SPECC1L: variants seen among roughly 807,000 people sequenced by gnomAD.
SPECC1L encodes cytospin-A.
In SPECC1L, 40 loss-of-function variants were observed where a neutral mutation model predicts 116.8. The observed-to-expected ratio is 0.34, with a 90% CI of 0.27 to 0.45. The LOEUF (loss-of-function observed/expected upper bound fraction) is 0.45, where lower values mean the gene tolerates loss of function less well. SPECC1L is among the 20% of genes least tolerant of loss of function. SPECC1L has a pLI of 1.00. For synonymous variants in SPECC1L, 504 were observed against 500.6 expected, an observed-to-expected ratio of 1.01 and a Z score of -0.09; for missense variants, 1,110 against 1,373.6, an observed-to-expected ratio of 0.81 and a Z score of 3.03.
Position 24,345,453 on chromosome 22 carries a change from G to A in SPECC1L, c.2653-1633G>A, listed in dbSNP as rs1189214893. On this transcript the variant is annotated intron_variant, in intron 10 of 16. Coordinates refer to ENST00000314328, the MANE Select transcript of SPECC1L (RefSeq NM_015330.6). ...ACTATAAAAGCAAGTTGATAAATTA[G>A]GCAACTTAAAACTTAAAACTTCTCT... 2.0e-5 allele frequency among the ~76,000 whole-genome samples: 3 copies of A among 152,066 alleles called. No individual in the cohort carries two copies. The East Asian group carries it at 5.8e-4, about 29-fold the overall frequency.
Position 24,403,909 on chromosome 22 carries a change from G to A in SPECC1L, c.3088-7679G>A, listed in dbSNP as rs562068838. ...GCAGGAGGAACCCTTCAGCCCAGGA[G>A]TTCAAGCCCAGCTTGGGCAACATAG... On this transcript the variant is annotated intron_variant, in intron 14 of 16. Coordinates refer to ENST00000314328, the MANE Select transcript of SPECC1L (RefSeq NM_015330.6). 5.9e-5 allele frequency among the ~76,000 whole-genome samples: 9 copies of A among 152,230 alleles called. No individual in the cohort carries two copies. In the South Asian group the frequency reaches 1.9e-3, roughly 31 times the overall value.
intron 2 of SPECC1L, among the ~76,000 whole-genome samples, chr22:24,295,574 G>A (rs2049243957): frequency 6.6e-6 from 1 of 152,000 alleles, no homozygotes; most frequent in Admixed American, 6.6e-5. Context: ...ATCTAGACCT[G>A]GCAATAAATA....
intron 3 of SPECC1L, chr22:24,304,281 T>C (rs2049445077): frequency 6.6e-6 from 1 of 152,248 alleles, no homozygotes; most frequent in African/African-American, 2.4e-5. Flanking sequence ...AATATTCTCA[T>C]GACTCTCTTC....
At chr22:24,395,797 T>C (rs149694202) in intron 14 of SPECC1L, among the ~76,000 whole-genome samples, 2,969 of 152,120 alleles carry the variant, frequency 0.02, 52 homozygotes, top group African/African-American at 0.042. Flanking sequence ...CACCACCACG[T>C]CTGGCTAATT....
chr22:24,374,272 G>A (rs5760375), intron 14 of SPECC1L, among the ~76,000 whole-genome samples: 61,161 of 151,040 alleles, frequency 0.4, 13,552 homozygotes, highest in Admixed American at 0.53. Context: ...CCATTACTGG[G>A]TATATACCCA....
At chr22:24,402,942 C>T (rs1319708436) in intron 14 of SPECC1L, among the ~76,000 whole-genome samples, 6 of 152,164 alleles carry the variant, frequency 3.9e-5, no homozygotes, top group Non-Finnish European at 1.5e-5. Flanking sequence ...ACATCCCACC[C>T]TAAGGCCACA....
At chr22:24,383,763 A>C (rs980064785) in intron 14 of SPECC1L, among the ~76,000 whole-genome samples, 2 of 135,378 alleles carry the variant, frequency 1.5e-5, no homozygotes, top group African/African-American at 5.7e-5. Flanking sequence ...TAACCTGTTG[A>C]GTAGCTGGGA....
intron 14 of SPECC1L, among the ~76,000 whole-genome samples, chr22:24,382,406 A>C (rs2042078192): frequency 6.6e-6 from 1 of 152,094 alleles, no homozygotes; most frequent in African/African-American, 2.4e-5. Flanking sequence ...GGAAGAAGAC[A>C]ACCTCAAGAG....
chr22:24,321,971 A>G lies in SPECC1L; in HGVS notation c.991A>G (p.Asn331Asp), dbSNP rs768730570. The G allele has an allele frequency of 2.5e-6, 4 of 1,614,162 alleles. No individual in the cohort carries two copies. The highest frequency in any genetic ancestry group is 3.4e-6 in the Non-Finnish European group (4 of 1,180,030). The change falls in exon 5 of 17, where the codon AAT becomes GAT. Residue 331 changes from asparagine (N) to aspartate (D), a missense_variant. Asn to Asp is a conservative substitution (Grantham distance 23). Around this residue, in one of 4 missense-constraint regions of SPECC1L, gnomAD observed 437 missense variants for 482.6 expected, o/e 0.91. Coordinates refer to ENST00000314328, the MANE Select transcript of SPECC1L (RefSeq NM_015330.6). ...GGAGGATCTCTTGAGTCAGGATGAA[A>G]ATACACTAATGGACCATCAGCACAG... Reference protein sequence around the residue: ...SVEDLLSQDENTLMDHQHSNS... With the variant: ...SVEDLLSQDEDTLMDHQHSNS...
intron 9 of SPECC1L, among the ~76,000 whole-genome samples, chr22:24,336,225 C>G (rs1249606132): frequency 6.6e-6 from 1 of 151,608 alleles, no homozygotes; most frequent in Non-Finnish European, 1.5e-5. Flanking sequence ...CGCTGCAATC[C>G]TTTATAGTAA....
chr22:24,386,034 T>A (rs1361306667), intron 14 of SPECC1L, among the ~76,000 whole-genome samples: 2 of 151,552 alleles, frequency 1.3e-5, no homozygotes, highest in Non-Finnish European at 2.9e-5. Context: ...GAGTAAGTTA[T>A]CAAAATGGAG....
chr22:24,367,108 C>T (rs898488284), intron 13 of SPECC1L, among the ~76,000 whole-genome samples: 7 of 152,210 alleles, frequency 4.6e-5, no homozygotes, highest in Non-Finnish European at 7.3e-5. Flanking sequence ...GCCCTAGAAT[C>T]GCTTGAACCT....
chr22:24,301,207 A>G (rs1337065479), intron 2 of SPECC1L, among the ~76,000 whole-genome samples: 2 of 152,226 alleles, frequency 1.3e-5, no homozygotes, highest in Admixed American at 6.5e-5. Context: ...AAACTTTTGC[A>G]ATCTCCCCAT....
At position 24,321,886 on chromosome 22, in the gene SPECC1L, C is replaced by T; in HGVS notation, c.906C>T (p.Asn302=). 1.2e-6 allele frequency: 2 copies of T among 1,614,204 alleles called. No homozygotes were observed. Among genetic ancestry groups the T allele is most frequent in the Non-Finnish European group, 1.7e-6 (2 of 1,180,036 alleles). ...TGAGCCCAGAAATCACCCCTGGTAA[C>T]CAGAGCGATGGAGGAGGAACTCTGA... The part of the protein sequence containing the change: ...QSLSPEITPG[N]QSDGGGTLTS... The change falls in exon 5 of 17, where the codon AAC becomes AAT. Residue 302 remains asparagine, a synonymous_variant. Coordinates refer to ENST00000314328, the MANE Select transcript of SPECC1L (RefSeq NM_015330.6).
At chr22:24,382,168 A>G (rs1248712770) in intron 14 of SPECC1L, among the ~76,000 whole-genome samples, 2 of 152,236 alleles carry the variant, frequency 1.3e-5, no homozygotes, top group East Asian at 3.8e-4. Context: ...TAACCAAGGC[A>G]GCCAAGTCAA....
chr22:24,375,680 C>T (rs1409889377), intron 14 of SPECC1L, among the ~76,000 whole-genome samples: 3 of 152,144 alleles, frequency 2.0e-5, no homozygotes, highest in Admixed American at 2.0e-4. Flanking sequence ...GTTGGCTGGG[C>T]ACAGTGGCTT....
At chr22:24,306,118 G>C (rs1428798576) in intron 3 of SPECC1L, among the ~76,000 whole-genome samples, 1 of 152,020 alleles carries the variant, frequency 6.6e-6, no homozygotes, top group South Asian at 2.1e-4. Flanking sequence ...TGTTGGTCAG[G>C]CTGGTCTTGA....
chr22:24,347,319 G>A (rs982080846), intron 11 of SPECC1L, 143 bp downstream of exon 11: 2 of 678,296 alleles, frequency 2.9e-6, no homozygotes, highest in African/African-American at 1.8e-5. Context: ...TCACTAGTAA[G>A]TATATCTAAA....
chr22:24,304,861 C>A (rs2049459088), intron 3 of SPECC1L, among the ~76,000 whole-genome samples: 1 of 152,154 alleles, frequency 6.6e-6, no homozygotes, highest in Admixed American at 6.5e-5. Context: ...GCATGTGAAA[C>A]TTGGGCTTGA....
Sources: gnomAD v4.1 joint callset for allele counts (sites outside exome capture counted in the v4.1 genomes callset) on GRCh38, gnomAD v4.1.1 for gene constraint, gnomAD v4.1.1 regional missense constraint, MANE v1.5 for transcripts, NCBI Gene and HGNC (gene_info 2026-07-23, HGNC 2026-07-21) for gene names.